Variants in DSCAML1 observed in about 807,000 individuals in gnomAD.
The protein encoded by DSCAML1 is DS cell adhesion molecule like 1, also known as cell adhesion molecule DSCAML1.
A neutral mutation model predicts 200.5 loss-of-function variants in DSCAML1; 38 were observed. The observed-to-expected ratio is 0.19, with a 90% confidence interval of 0.15 to 0.25. The LOEUF (loss-of-function observed/expected upper bound fraction) is 0.25. DSCAML1 is among the 10% of genes least tolerant of loss of function. The pLI, the probability that DSCAML1 is intolerant of heterozygous loss-of-function variation, is 1.00. For synonymous variants in DSCAML1, 1,215 were observed against 1,165.0 expected (o/e 1.04, Z -0.87); for missense variants, 2,223 against 2,858.8 (o/e 0.78, Z 5.07).
At chr11:117,442,367 TTAGTGTGTA>T in intron 21 of DSCAML1, among the ~76,000 whole-genome samples, 1 of 152,072 alleles carries the variant, frequency 6.6e-6, no homozygotes, top group African/African-American at 2.4e-5. Context: ...TATGCATATA[TTAGTGTGTA>T]TAGTGTGTGT....
Position 117,506,829 on chromosome 11 carries a change from G to T in DSCAML1, c.1784-1097C>A, listed in dbSNP as rs538200695. On this transcript the variant is annotated intron_variant, in intron 8 of 32. Transcript: ENST00000651296. ...CGGAAAGTTCTGGGTTGACAGGCAA[G>T]AGCCACCACACCAGGTCCAGAGATC... Among the ~76,000 whole-genome samples, 475 of 152,286 alleles carry T rather than the reference G, an allele frequency of 3.1e-3. 3 individuals are homozygous for T. Among genetic ancestry groups the T allele is most frequent in the African/African-American group, 0.01 (427 of 41,570 alleles).
intron 3 of DSCAML1, among the ~76,000 whole-genome samples, chr11:117,703,079 T>A (rs1275812633): frequency 6.6e-6 from 1 of 152,184 alleles, no homozygotes; most frequent in Non-Finnish European, 1.5e-5. Flanking sequence ...ATAAAAGGGC[T>A]TAGGACCTGG....
rs549940898 is a variant in DSCAML1, at chr11:117,454,515, T to C, written c.3569-3827A>G. On this transcript the variant is annotated intron_variant, in intron 19 of 32. Coordinates refer to ENST00000651296, the MANE Select transcript of DSCAML1 (RefSeq NM_020693.4). ...AGATTTTCCATTTGATAGTTTCCAA[T>C]TCTCTGAAGTTTTCAATCTGGTCAA... 2.6e-3 allele frequency among the ~76,000 whole-genome samples: 402 copies of C among 152,364 alleles called. 1 individual carries two copies. Among genetic ancestry groups the C allele is most frequent in the African/African-American group, 9.3e-3 (387 of 41,590 alleles).
At chr11:117,455,773 C>T (rs1308582746) in intron 19 of DSCAML1, among the ~76,000 whole-genome samples, 1 of 152,218 alleles carries the variant, frequency 6.6e-6, no homozygotes, top group Admixed American at 6.5e-5. Context: ...GATCTGTCTG[C>T]TTTCCATGCC....
chr11:117,743,019 C>CCATCCATCCATT (rs1260424044), intron 3 of DSCAML1, among the ~76,000 whole-genome samples: 7 of 152,102 alleles, frequency 4.6e-5, no homozygotes, highest in Non-Finnish European at 1.0e-4. Flanking sequence ...ATCCATCCAT[C>CCATCCATCCATT]CATCCATCCA....
intron 21 of DSCAML1, among the ~76,000 whole-genome samples, chr11:117,442,352 G>GTGTGTGCA (rs1347301051): frequency 1.3e-5 from 2 of 151,710 alleles, no homozygotes; most frequent in East Asian, 3.9e-4. Context: ...GTGTGTGCAT[G>GTGTGTGCA]TGTGTATGCA....
chr11:117,600,125 G>A (rs1050724714), intron 3 of DSCAML1, among the ~76,000 whole-genome samples: 5 of 152,240 alleles, frequency 3.3e-5, no homozygotes, highest in Admixed American at 6.5e-5. Context: ...GTAAACACAT[G>A]TAGAAAAGCT....
chr11:117,756,819 TGGTGTGG>T (rs1474092057), intron 3 of DSCAML1, among the ~76,000 whole-genome samples: 1 of 152,068 alleles, frequency 6.6e-6, no homozygotes, highest in Non-Finnish European at 1.5e-5. Context: ...ACACCTTTTG[TGGTGTGG>T]GGCACTCACT....
chr11:117,739,406 C>A (rs1283711555), intron 3 of DSCAML1, among the ~76,000 whole-genome samples: 1 of 152,218 alleles, frequency 6.6e-6, no homozygotes, highest in Non-Finnish European at 1.5e-5. Flanking sequence ...CTAAGCCCCC[C>A]AGCCGATACT....
At chr11:117,775,069 A>C (rs2055107370) in intron 3 of DSCAML1, among the ~76,000 whole-genome samples, 1 of 152,120 alleles carries the variant, frequency 6.6e-6, no homozygotes, top group African/African-American at 2.4e-5. Context: ...TCTTTAAATC[A>C]CCTTAAATCT....
chr11:117,468,624 C>T (rs548943912), intron 16 of DSCAML1, among the ~76,000 whole-genome samples: 3 of 152,284 alleles, frequency 2.0e-5, no homozygotes, highest in Non-Finnish European at 4.4e-5. Flanking sequence ...CCCTGGAACC[C>T]AGATCTGAAT....
At position 117,428,386 on chromosome 11, in the gene DSCAML1, AC is replaced by A. The variant is rs2137049114; in HGVS notation, c.6103del (p.Val2035Ter). The A allele has an allele frequency of 6.3e-7, 1 of 1,587,274 alleles. No individual in the cohort carries two copies. Among genetic ancestry groups the A allele is most frequent in the African/African-American group, 1.4e-5 (1 of 72,680 alleles). The part of the protein sequence containing the change: ...DSLLEMSTSG[V>X]GRSQKQGAGA... ...GGCCCCCTGCTTCTGAGACCTCCCT[AC>A]CCCCGATGTGCTCATCTCGAGAAGC... is the stretch of plus-strand genomic sequence containing the variant. On this transcript the variant is annotated frameshift_variant, in exon 33 of 33. Transcript: ENST00000651296. LOFTEE classifies it high-confidence loss of function.
At chr11:117,470,403 G>A (rs1413865297) in intron 15 of DSCAML1, among the ~76,000 whole-genome samples, 6 of 152,120 alleles carry the variant, frequency 3.9e-5, no homozygotes, top group Non-Finnish European at 5.9e-5. Flanking sequence ...GTGAAACCCT[G>A]TCTCTACTAA....
chr11:117,567,504 G>A (rs1179968656), intron 3 of DSCAML1, among the ~76,000 whole-genome samples: 1 of 152,120 alleles, frequency 6.6e-6, no homozygotes, highest in Non-Finnish European at 1.5e-5. Flanking sequence ...AGTAGGTTGT[G>A]AAAATTTTCT....
At position 117,428,756 on chromosome 11, in the gene DSCAML1, G is replaced by A. The variant is rs1450422367; in HGVS notation, c.5734C>T (p.Arg1912Ter). The A allele has an allele frequency of 1.2e-6, 2 of 1,611,992 alleles. No homozygotes were observed. The highest frequency in any genetic ancestry group is 1.1e-5 in the South Asian group (1 of 90,394). Reference protein sequence around the residue: ...PLYAKSEAFFRKADGREPCPV... With the variant: ...PLYAKSEAFF ...CAGGGCTCACGTCCATCTGCCTTTC[G>A]AAAGAAGGCCTCTGACTTGGCATAC... The change falls in exon 33 of 33, where the codon CGA (arginine) becomes TGA (stop). Residue 1912 changes from arginine to a stop codon, truncating the protein, a stop_gained. Transcript: ENST00000651296. LOFTEE classifies it high-confidence loss of function.
chr11:117,461,365 GC>G, intron 18 of DSCAML1, 84 bp downstream of exon 18: 2 of 1,572,870 alleles, frequency 1.3e-6, no homozygotes, highest in Non-Finnish European at 1.7e-6. Flanking sequence ...GTGGGAGGAT[GC>G]TCAGCTCTAA....
intron 3 of DSCAML1, among the ~76,000 whole-genome samples, chr11:117,586,004 T>C (rs2051134145): frequency 6.6e-6 from 1 of 152,150 alleles, no homozygotes; most frequent in South Asian, 2.1e-4. Context: ...CAGGGGGCCC[T>C]CCATAAATGT....
chr11:117,531,315 C>T (rs1199763510), intron 4 of DSCAML1, among the ~76,000 whole-genome samples: 1 of 152,042 alleles, frequency 6.6e-6, no homozygotes, highest in African/African-American at 2.4e-5. Flanking sequence ...GCTTGGCTTC[C>T]CTAAGATTTG....
chr11:117,531,021 A>G (rs1161116476), intron 4 of DSCAML1, among the ~76,000 whole-genome samples: 1 of 152,194 alleles, frequency 6.6e-6, no homozygotes, highest in Admixed American at 6.5e-5. Flanking sequence ...GATAGAATAG[A>G]ATAGAAAATT....
Sources: allele counts gnomAD v4.1 joint callset (sites outside exome capture counted in the v4.1 genomes callset), GRCh38; gene constraint gnomAD v4.1.1; transcripts MANE v1.5; gene names NCBI Gene and HGNC (gene_info 2026-07-23, HGNC 2026-07-21).